Variants in KIAA0319L observed in about 807,000 individuals in gnomAD.
The protein encoded by KIAA0319L is dyslexia-associated protein KIAA0319-like protein.
KIAA0319L carries 55 observed loss-of-function variants against 120.1 expected under a neutral mutation model. The ratio of observed to expected loss-of-function variants is 0.46; its 90% CI spans 0.37 to 0.57. KIAA0319L has a LOEUF of 0.57. Ranked by LOEUF, KIAA0319L falls within the 20% of genes least tolerant of loss-of-function variation. The pLI is 0.00. For missense variants in KIAA0319L, 1,049 were observed against 1,255.3 expected, an observed-to-expected ratio of 0.84 and a Z score of 2.48; for synonymous variants, 398 against 471.9, an observed-to-expected ratio of 0.84 and a Z score of 2.03.
intron 2 of KIAA0319L, among the ~76,000 whole-genome samples, chr1:35,531,511 T>C (rs1646368336): frequency 6.6e-6 from 1 of 152,186 alleles, no homozygotes; most frequent in Non-Finnish European, 1.5e-5. Flanking sequence ...ACCTGGGGGA[T>C]GCGTGGGACT....
At chr1:35,438,425 T>C (rs989136417) in intron 20 of KIAA0319L, 2 of 151,776 alleles carry the variant, frequency 1.3e-5, no homozygotes, top group Non-Finnish European at 2.9e-5. Flanking sequence ...ATCTAGAATC[T>C]ATCTGCCTCT....
At chr1:35,450,180 C>T (rs1253077700) in intron 14 of KIAA0319L, among the ~76,000 whole-genome samples, 175 bp from the exon 15 acceptor site, 1 of 152,166 alleles carries the variant, frequency 6.6e-6, no homozygotes, top group African/African-American at 2.4e-5. Context: ...GGAAGGGAAA[C>T]CCATTCTGTG....
intron 2 of KIAA0319L, among the ~76,000 whole-genome samples, chr1:35,540,208 T>C (rs755724602): frequency 2.6e-5 from 4 of 152,240 alleles, no homozygotes; most frequent in Non-Finnish European, 5.9e-5. Flanking sequence ...TCCCTGCTTC[T>C]GTTTCCCTTT....
At chr1:35,476,203 T>C (rs1472064433) in intron 4 of KIAA0319L, among the ~76,000 whole-genome samples, 1 of 152,228 alleles carries the variant, frequency 6.6e-6, no homozygotes, top group East Asian at 1.9e-4. Context: ...CAGGTAATTC[T>C]TTGTCATGGA....
At chr1:35,516,402 A>C (rs1645682157) in intron 2 of KIAA0319L, among the ~76,000 whole-genome samples, 1 of 152,238 alleles carries the variant, frequency 6.6e-6, no homozygotes, top group Non-Finnish European at 1.5e-5. Context: ...CAACATACAC[A>C]AATCAATAAA....
intron 2 of KIAA0319L, among the ~76,000 whole-genome samples, chr1:35,515,034 C>T (rs910396518): frequency 1.3e-5 from 2 of 152,098 alleles, no homozygotes; most frequent in East Asian, 1.9e-4. Context: ...AAACTAAGGC[C>T]GGGTGCGGTG....
At chr1:35,481,792 C>T (rs541524450) in intron 3 of KIAA0319L, among the ~76,000 whole-genome samples, 1 of 150,800 alleles carries the variant, frequency 6.6e-6, no homozygotes, top group Non-Finnish European at 1.5e-5. Flanking sequence ...CCTCCCCACC[C>T]TAAGCAACCA....
intron 3 of KIAA0319L, among the ~76,000 whole-genome samples, chr1:35,490,862 A>C (rs541499136): frequency 6.6e-6 from 1 of 152,244 alleles, no homozygotes; most frequent in East Asian, 1.9e-4. Context: ...GTGAGTTCTC[A>C]TGAGATCTGA....
intron 3 of KIAA0319L, among the ~76,000 whole-genome samples, chr1:35,504,954 C>A (rs1472406507): frequency 6.6e-6 from 1 of 152,220 alleles, no homozygotes; most frequent in African/African-American, 2.4e-5. Flanking sequence ...GCACCTAACA[C>A]ACTTTGAAAT....
rs879779377 is a variant in KIAA0319L at position 35,530,200 on chromosome 1, C to CT, written c.143-23066dup. ...ACAGGCATGCACCACCATGCCCGGC[C>CT]TTTTTTTTTTTTTTGTAAAGTCAGG... On this transcript the variant is annotated intron_variant, in intron 2 of 20. Transcript: ENST00000325722. 8.4e-3 allele frequency among the ~76,000 whole-genome samples: 1,182 copies of CT among 141,056 alleles called. 17 individuals are homozygous for CT. Among genetic ancestry groups the CT allele is most frequent in the African/African-American group, 0.022 (866 of 38,608 alleles). 92.5% of individuals were successfully genotyped at this position (141,056 alleles called of 152,430 possible). A position where few individuals can be genotyped will look rare whatever the true frequency, so the allele number is the denominator to read the frequency against.
chr1:35,539,517 A>T (rs571835406), intron 2 of KIAA0319L, among the ~76,000 whole-genome samples: 1 of 152,332 alleles, frequency 6.6e-6, no homozygotes, highest in East Asian at 1.9e-4. Flanking sequence ...TTTGAAAACC[A>T]AGCAGTTAGA....
intron 2 of KIAA0319L, among the ~76,000 whole-genome samples, chr1:35,519,426 T>A (rs919908539): frequency 6.6e-6 from 1 of 152,244 alleles, no homozygotes; most frequent in Non-Finnish European, 1.5e-5. Context: ...TGCTCTCAAA[T>A]GTGGATCCAC....
At chr1:35,522,890 G>A (rs1403564067) in intron 2 of KIAA0319L, among the ~76,000 whole-genome samples, 1 of 151,482 alleles carries the variant, frequency 6.6e-6, no homozygotes, top group Non-Finnish European at 1.5e-5. Context: ...GTGGTGGCAG[G>A]CGCCTGTAGT....
chr1:35,456,007 T>G lies in KIAA0319L; in HGVS notation c.1656+6A>C. The G allele has an allele frequency of 6.2e-7, 1 of 1,605,734 alleles. No individual in the cohort carries two copies. The highest frequency in any genetic ancestry group is 1.7e-4 in the Middle Eastern group (1 of 6,032). On this transcript the variant is annotated splice_donor_region_variant and intron_variant, in intron 10 of 20. Transcript: ENST00000325722. ...GCAAGAAAAAATAGGAACCATTCCCTCCTACCTGCATCTCCACCACTTTCC... is the reference window on the plus strand; with the variant it reads ...GCAAGAAAAAATAGGAACCATTCCCGCCTACCTGCATCTCCACCACTTTCC...
chr1:35,500,820 A>G (rs1200242646), intron 3 of KIAA0319L, among the ~76,000 whole-genome samples: 1 of 152,250 alleles, frequency 6.6e-6, no homozygotes, highest in African/African-American at 2.4e-5. Flanking sequence ...CTCAATGCAC[A>G]AGGCAATCTT....
At chr1:35,450,685 T>G (rs1641995565) in intron 13 of KIAA0319L, among the ~76,000 whole-genome samples, 176 bp from the exon 14 acceptor site, 1 of 151,880 alleles carries the variant, frequency 6.6e-6, no homozygotes, top group South Asian at 2.1e-4. Context: ...GCTGCAGTCC[T>G]GAGGTTCCAG....
At position 35,444,291 on chromosome 1, in the gene KIAA0319L, T is replaced by C; in HGVS notation, c.2526A>G (p.Val842=). ...QPYTEQSTKM[V]FFVQNEPPHQ... is the part of the protein sequence containing the mutation. Reference sequence around the variant, plus strand: ...GGGGAGGCTCGTTTTGAACAAAAAATACCATTTTGGTGCTGCAGAGACATG... The same window carrying C: ...GGGGAGGCTCGTTTTGAACAAAAAACACCATTTTGGTGCTGCAGAGACATG... Residue 842 remains valine (V), a synonymous_variant, in exon 17 of 21, where the codon GTA becomes GTG. Coordinates refer to ENST00000325722, the MANE Select transcript of KIAA0319L (RefSeq NM_024874.5). The C allele has an allele frequency of 6.2e-7, 1 of 1,606,914 alleles. No individual in the cohort carries two copies.
Position 35,557,211 on chromosome 1 carries a change from G to T in KIAA0319L, c.-33C>A, listed in dbSNP as rs1648236865. On this transcript the variant is annotated 5_prime_UTR_variant, in exon 1 of 21. Coordinates refer to ENST00000325722, the MANE Select transcript of KIAA0319L (RefSeq NM_024874.5). Reference sequence around the variant, plus strand: ...CAGCCGCCCCCGGCCACCTACCGGGGCTCAGGGCCACATAGCGGGGCCCCG... The same window carrying T: ...CAGCCGCCCCCGGCCACCTACCGGGTCTCAGGGCCACATAGCGGGGCCCCG... 2 of 176,138 alleles carry T rather than the reference G, an allele frequency of 1.1e-5. No homozygotes were observed. Among genetic ancestry groups the T allele is most frequent in the South Asian group, 1.9e-4 (2 of 10,372 alleles). The allele number at this position is 176,138 out of a possible 1,614,324, so 10.9% of individuals were successfully genotyped here. A position where few individuals can be genotyped will look rare whatever the true frequency, so the allele number is the denominator to read the frequency against.
intron 3 of KIAA0319L, among the ~76,000 whole-genome samples, chr1:35,480,571 A>G (rs1433042874): frequency 6.6e-6 from 1 of 152,078 alleles, no homozygotes; most frequent in African/African-American, 2.4e-5. Context: ...CATTTGAGGT[A>G]AGGAGTTTGA....
Sources: allele counts gnomAD v4.1 joint callset (sites outside exome capture counted in the v4.1 genomes callset), GRCh38; gene constraint gnomAD v4.1.1; transcripts MANE v1.5; gene names NCBI Gene and HGNC (gene_info 2026-07-23, HGNC 2026-07-21).